The following CCDC30 variants were observed in gnomAD, a reference collection of about 807,000 sequenced individuals.
The protein encoded by CCDC30 is coiled-coil domain containing 30.
In CCDC30, 70 loss-of-function variants were observed where a neutral mutation model predicts 100.2. That is an observed-to-expected ratio of 0.70 (90% confidence interval 0.58 to 0.85). The LOEUF (loss-of-function observed/expected upper bound fraction) is 0.85. Among genes scored for constraint, CCDC30 ranks in the 40% least tolerant of loss-of-function variants. CCDC30 has a pLI of 0.00. For synonymous variants in CCDC30, 233 were observed against 269.5 expected, an observed-to-expected ratio of 0.86 and a Z score of 1.33; for missense variants, 652 against 771.2, an observed-to-expected ratio of 0.85 and a Z score of 1.83.
chr1:42,518,016 T>A (rs1443212319), intron 6 of CCDC30, among the ~76,000 whole-genome samples: 3 of 152,210 alleles, frequency 2.0e-5, no homozygotes, highest in African/African-American at 7.2e-5. Context: ...AAAAATATTG[T>A]TGGAATTTTG....
chr1:42,643,689 A>C (rs1008871839), intron 13 of CCDC30, among the ~76,000 whole-genome samples: 1 of 152,300 alleles, frequency 6.6e-6, no homozygotes, highest in Non-Finnish European at 1.5e-5. Flanking sequence ...AAGGAAACTG[A>C]GGCTCAGATT....
chr1:42,653,524 T>G, intron 16 of CCDC30, 81 bp downstream of exon 20: 1 of 868,974 alleles, frequency 1.2e-6, no homozygotes, highest in Non-Finnish European at 1.9e-6. Flanking sequence ...GCTGCCTAAC[T>G]AGTCCTGGAT....
intron 6 of CCDC30, among the ~76,000 whole-genome samples, chr1:42,528,570 T>C (rs1569923686): frequency 6.6e-6 from 1 of 152,180 alleles, no homozygotes; most frequent in Admixed American, 6.5e-5. Flanking sequence ...AGCCTCAAAC[T>C]GTAGTGTAGC....
intron 11 of CCDC30, among the ~76,000 whole-genome samples, chr1:42,619,605 A>G (rs1300017256): frequency 7.0e-6 from 1 of 143,458 alleles, no homozygotes; most frequent in Non-Finnish European, 1.6e-5. Context: ...TCCCTAGCAA[A>G]GGTGGTCTTG....
intron 1 of CCDC30, chr1:42,467,740 C>G (rs1245752169): frequency 6.6e-6 from 1 of 152,218 alleles, no homozygotes; most frequent in African/African-American, 2.4e-5. Context: ...ACCTCTACTT[C>G]CAACCCATTC....
intron 9 of CCDC30, among the ~76,000 whole-genome samples, chr1:42,581,850 T>A (rs777867554): frequency 5.3e-4 from 80 of 152,244 alleles, no homozygotes; most frequent in Non-Finnish European, 9.7e-4. Context: ...CTGACAAAAT[T>A]CAAACTACAA....
intron 6 of CCDC30, chr1:42,558,229 T>C (rs982265529): frequency 2.1e-5 from 4 of 191,834 alleles, no homozygotes; most frequent in Non-Finnish European, 3.5e-5. Context: ...GCCTTTGTCC[T>C]CTTGGTAAAA....
In CCDC30 at chr1:42,650,497, A is replaced by ATATGTGTGTGTGTGTGTGTGTG. The variant is rs1181889086; in HGVS notation, c.1855-2878_1855-2877insATGTGTGTGTGTGTGTGTGTGT. On this transcript the variant is annotated intron_variant, in intron 15 of 16. Coordinates refer to ENST00000668663, the Ensembl canonical transcript of CCDC30. ...CAAGACCCTGTCTAAAAAAATATATATGTGTGTGTGTGTGTGTGTGTGTGT... is the reference window on the plus strand; with the variant it reads ...CAAGACCCTGTCTAAAAAAATATATATATGTGTGTGTGTGTGTGTGTGTGTGTGTGTGTGTGTGTGTGTGTGT... Among the ~76,000 whole-genome samples, 5 of 136,294 alleles carry ATATGTGTGTGTGTGTGTGTGTG rather than the reference A, an allele frequency of 3.7e-5. No homozygotes were observed. The East Asian group carries it at 1.1e-3, about 29-fold the overall frequency. 89.4% of individuals were successfully genotyped at this position (136,294 alleles called of 152,430 possible).
At chr1:42,589,388 C>G (rs757652126) in exon 10 of CCDC30, 1 of 1,613,630 alleles carries the variant, frequency 6.2e-7, no homozygotes, top group Admixed American at 1.7e-5. Context: ...TAAAGAAAAT[C>G]TACTGGAAAT....
At chr1:42,605,146 C>G (rs974546649) in intron 10 of CCDC30, among the ~76,000 whole-genome samples, 1 of 152,138 alleles carries the variant, frequency 6.6e-6, no homozygotes, top group African/African-American at 2.4e-5. Flanking sequence ...GCCGCTTGAC[C>G]TCTGACACTG....
rs138739855 is a variant in CCDC30, at chr1:42,575,592, G to A, written c.637-1428G>A. 7.0e-3 allele frequency among the ~76,000 whole-genome samples: 944 copies of A among 133,942 alleles called. 5 individuals are homozygous for A. Among genetic ancestry groups the A allele is most frequent in the Non-Finnish European group, 0.011 (749 of 65,150 alleles). 87.9% of individuals were successfully genotyped at this position (133,942 alleles called of 152,430 possible). On this transcript the variant is annotated intron_variant, in intron 7 of 16. Coordinates refer to ENST00000668663, the Ensembl canonical transcript of CCDC30. ...GTGAACCCGGGAGGCAGAGCTTGCA[G>A]TGAGCAGAGATTGTGCTACTGCACT... is the stretch of plus-strand genomic sequence containing the variant.
chr1:42,460,982 T>A (rs1569630719), upstream of CCDC30, among the ~76,000 whole-genome samples: 1 of 152,258 alleles, frequency 6.6e-6, no homozygotes, highest in African/African-American at 2.4e-5. Context: ...AATACTTCTC[T>A]TGCTGTCCTA....
At chr1:42,599,118 T>A (rs1646351154) in intron 10 of CCDC30, among the ~76,000 whole-genome samples, 1 of 152,134 alleles carries the variant, frequency 6.6e-6, no homozygotes, top group South Asian at 2.1e-4. Flanking sequence ...TTTTAGTTGA[T>A]CTAAGAGATA....
At chr1:42,459,996 CATGGCTTTCAT>C, upstream of CCDC30, 1 of 1,501,842 alleles carries the variant, frequency 6.7e-7, no homozygotes, top group Non-Finnish European at 8.8e-7. Flanking sequence ...CAAAAAAAAC[CATGGCTTTCAT>C]ATGGACAGAT....
chr1:42,511,757 A>G (rs1388960709), intron 6 of CCDC30, among the ~76,000 whole-genome samples: 1 of 152,138 alleles, frequency 6.6e-6, no homozygotes, highest in African/African-American at 2.4e-5. Flanking sequence ...CCTCATGGAG[A>G]GGATTTTTAT....
chr1:42,516,142 A>G (rs1291763160), intron 6 of CCDC30, among the ~76,000 whole-genome samples: 1 of 152,218 alleles, frequency 6.6e-6, no homozygotes, highest in Non-Finnish European at 1.5e-5. Context: ...CAGGAACTAT[A>G]TCACTTTACA....
At chr1:42,528,466 G>A (rs1644757260) in intron 6 of CCDC30, among the ~76,000 whole-genome samples, 1 of 152,180 alleles carries the variant, frequency 6.6e-6, no homozygotes. Context: ...AAGGTAAGGA[G>A]CAGACATGGC....
intron 3 of CCDC30, among the ~76,000 whole-genome samples, chr1:42,486,590 T>TGG (rs1341697062): frequency 1.3e-5 from 2 of 152,234 alleles, no homozygotes; most frequent in African/African-American, 4.8e-5. Flanking sequence ...AGTTCACTGC[T>TGG]GGAGACATAT....
At chr1:42,491,506 TAAAA>T (rs34146821) in intron 4 of CCDC30, among the ~76,000 whole-genome samples, 33 of 144,340 alleles carry the variant, frequency 2.3e-4, no homozygotes, top group Middle Eastern at 3.6e-3. Context: ...GGTTAATGGG[TAAAA>T]AAAAAAAAAG....
Sources: allele counts gnomAD v4.1 joint callset (sites outside exome capture counted in the v4.1 genomes callset), GRCh38; gene constraint gnomAD v4.1.1; transcripts MANE v1.5; gene names NCBI Gene and HGNC (gene_info 2026-07-23, HGNC 2026-07-21).